The following CYP4F12 variants were observed in gnomAD, a reference collection of about 807,000 sequenced individuals.
The protein encoded by CYP4F12 is cytochrome P450 4F12.
In CYP4F12, 60 loss-of-function variants were observed where a neutral mutation model predicts 56.5. The observed-to-expected ratio is 1.06, with a 90% CI of 0.86 to 1.32. The LOEUF (loss-of-function observed/expected upper bound fraction) is 1.32, where lower values mean the gene tolerates loss of function less well. Among genes scored for constraint, CYP4F12 ranks in the 40% most tolerant of loss-of-function variants. The pLI is 0.00. For missense variants in CYP4F12, 711 were observed against 683.5 expected (o/e 1.04, Z -0.45); for synonymous variants, 263 against 264.9 (o/e 0.99, Z 0.07).
intron 2 of CYP4F12, among the ~76,000 whole-genome samples, chr19:15,675,831 C>A (rs1348503216): frequency 6.6e-6 from 1 of 152,168 alleles, no homozygotes; most frequent in Non-Finnish European, 1.5e-5. Context: ...AGGGTTCTCC[C>A]TAGAAACGGA....
Position 15,682,481 on chromosome 19 carries a change from C to T in CYP4F12, c.618C>T (p.Cys206=), listed in dbSNP as rs1417269649. ...TGACCTTGGACAGTCTACAGAAATG[C>T]ATCTTCAGCTTTGACAGCCATTGTC... is the stretch of plus-strand genomic sequence containing the variant. ...SLMTLDSLQK[C]IFSFDSHCQE... Residue 206 remains cysteine (C), a synonymous_variant, in exon 6 of 13, where the codon TGC becomes TGT. Coordinates refer to ENST00000550308, the MANE Select transcript of CYP4F12 (RefSeq NM_023944.4). 6.2e-7 allele frequency: 1 copy of T among 1,613,700 alleles called. No homozygotes were observed. Among genetic ancestry groups the T allele is most frequent in the African/African-American group, 1.3e-5 (1 of 74,942 alleles).
rs183202345 is a variant in CYP4F12 at position 15,695,811 on chromosome 19, C to T, written c.1116-125C>T. 352 of 1,345,850 alleles carry T rather than the reference C, an allele frequency of 2.6e-4. No homozygotes were observed. In the African/African-American group the frequency reaches 4.2e-3, roughly 16 times the overall value. The allele number at this position is 1,345,850 out of a possible 1,614,324, so 83.4% of individuals were successfully genotyped here. On this transcript the variant is annotated intron_variant, in intron 9 of 12. Transcript: ENST00000550308. ...ATTGTTTTCTGCTTTTTAAAATTCT[C>T]AAATGTTTGATCCCCGTGGAGTTTA...
intron 6 of CYP4F12, among the ~76,000 whole-genome samples, chr19:15,683,220 C>T (rs890970184): frequency 2.0e-5 from 3 of 152,102 alleles, no homozygotes; most frequent in South Asian, 2.1e-4. Flanking sequence ...GTACTGCATA[C>T]TGGATGGGAG....
chr19:15,696,912 T>C lies in CYP4F12; in HGVS notation c.1402T>C (p.Cys468Arg), dbSNP rs1172762272. The change falls in exon 13 of 13, where the codon TGC becomes CGC. Residue 468 changes from cysteine to arginine, a missense_variant. By Grantham distance (180) the Cys-to-Arg change is radical. Transcript: ENST00000550308. ...AGTCCCCACTCCCGCCTGCAGGAAC[T>C]GCATCGGGCAGGCGTTCGCCATGGC... ...FIPFSAGPRN[C>R]IGQAFAMAEM... 13 of 1,611,918 alleles carry C rather than the reference T, an allele frequency of 8.1e-6. No homozygotes were observed. Among genetic ancestry groups the C allele is most frequent in the African/African-American group, 4.0e-5 (3 of 75,034 alleles).
At chr19:15,696,345 T>G in intron 11 of CYP4F12, 85 bp from the exon 12 acceptor site, 1 of 1,609,224 alleles carries the variant, frequency 6.2e-7, no homozygotes, top group Non-Finnish European at 8.5e-7. Context: ...CAACATCACC[T>G]CACCCCAAAA....
chr19:15,685,261 G>A, intron 9 of CYP4F12, 64 bp downstream of exon 9: 5 of 1,574,018 alleles, frequency 3.2e-6, no homozygotes, highest in South Asian at 2.3e-5. Flanking sequence ...CAAGTGAGGA[G>A]GGGTGGAGGA....
At chr19:15,688,513 A>C (rs2144748619) in intron 9 of CYP4F12, among the ~76,000 whole-genome samples, 1 of 152,362 alleles carries the variant, frequency 6.6e-6, no homozygotes, top group South Asian at 2.1e-4. Context: ...AAGAATCAAT[A>C]TTGTGAAAAT....
At chr19:15,683,954 T>C in intron 7 of CYP4F12, 191 bp downstream of exon 7, 1 of 567,182 alleles carries the variant, frequency 1.8e-6, no homozygotes, top group Non-Finnish European at 2.9e-6. Flanking sequence ...ATTCTGAAAC[T>C]GTGAGGAGCA....
At chr19:15,682,255 C>T in intron 5 of CYP4F12, 134 bp from the exon 6 acceptor site, 1 of 1,271,664 alleles carries the variant, frequency 7.9e-7, no homozygotes, top group Non-Finnish European at 1.1e-6. Context: ...CCAGTCTGGT[C>T]CTCGCTGGCA....
chr19:15,674,669 C>CCTCACTCACTCATGCCT (rs2006825935), intron 2 of CYP4F12, among the ~76,000 whole-genome samples: 1 of 107,356 alleles, frequency 9.3e-6, no homozygotes, highest in Non-Finnish European at 2.0e-5. Flanking sequence ...TCATTCCTCT[C>CCTCACTCACTCATGCCT]CTCACTCACT....
chr19:15,692,082 C>T (rs918846265), intron 9 of CYP4F12, among the ~76,000 whole-genome samples: 2 of 152,120 alleles, frequency 1.3e-5, no homozygotes, highest in African/African-American at 4.8e-5. Flanking sequence ...CCTCAGCCTC[C>T]CGAGTAACTG....
At chr19:15,690,155 G>A (rs1253863558) in intron 9 of CYP4F12, among the ~76,000 whole-genome samples, 1 of 152,064 alleles carries the variant, frequency 6.6e-6, no homozygotes, top group Non-Finnish European at 1.5e-5. Flanking sequence ...ATCTTTGGGA[G>A]CTTTTCTTTT....
chr19:15,677,928 C>T (rs1599949539), intron 2 of CYP4F12, among the ~76,000 whole-genome samples: 1 of 85,376 alleles, frequency 1.2e-5, no homozygotes, highest in South Asian at 4.0e-4. Context: ...ACTCATTCCT[C>T]TCCTTACTCA....
intron 3 of CYP4F12, among the ~76,000 whole-genome samples, chr19:15,679,558 G>A (rs936390373): frequency 3.9e-5 from 6 of 152,144 alleles, no homozygotes; most frequent in African/African-American, 1.4e-4. Flanking sequence ...TCATGTGTGT[G>A]GCTCAGCTGT....
chr19:15,693,075 TC>T (rs1173427555), intron 9 of CYP4F12, among the ~76,000 whole-genome samples: 3 of 151,634 alleles, frequency 2.0e-5, no homozygotes, highest in African/African-American at 7.3e-5. Flanking sequence ...CTCCATTCCC[TC>T]CCCCCATCAA....
rs534981670 is a variant in CYP4F12 at position 15,693,921 on chromosome 19, C to T, written c.1116-2015C>T. 7.1e-5 allele frequency among the ~76,000 whole-genome samples: 10 copies of T among 140,566 alleles called. No homozygotes were observed. The South Asian group carries it at 2.2e-3, about 31-fold the overall frequency. 92.2% of individuals were successfully genotyped at this position (140,566 alleles called of 152,430 possible). A position where few individuals can be genotyped will look rare whatever the true frequency, so the allele number is the denominator to read the frequency against. On this transcript the variant is annotated intron_variant, in intron 9 of 12. Transcript: ENST00000550308. ...TTTCTACATATGGCTAGCCAGTTTT[C>T]CCAGCACCATTTATTAAACAGGGAA...
intron 12 of CYP4F12, 112 bp downstream of exon 12, chr19:15,696,624 C>A: frequency 7.5e-7 from 1 of 1,327,690 alleles, no homozygotes; most frequent in Non-Finnish European, 1.1e-6. Context: ...CATTCCTTCA[C>A]AGTTTATGGG....
chr19:15,685,254 G>A (rs1599975448), intron 9 of CYP4F12, 57 bp downstream of exon 9: 9 of 1,584,352 alleles, frequency 5.7e-6, no homozygotes, highest in Admixed American at 3.4e-5. Flanking sequence ...TGCTCCCCAA[G>A]TGAGGAGGGG....
intron 6 of CYP4F12, among the ~76,000 whole-genome samples, chr19:15,683,002 G>A (rs1451575578): frequency 2.0e-5 from 3 of 152,070 alleles, no homozygotes; most frequent in East Asian, 3.9e-4. Context: ...CTCAGAAAAT[G>A]TTGGGATTAC....
Sources: gnomAD v4.1 joint callset for allele counts (sites outside exome capture counted in the v4.1 genomes callset) on GRCh38, gnomAD v4.1.1 for gene constraint, MANE v1.5 for transcripts, NCBI Gene and HGNC (gene_info 2026-07-23, HGNC 2026-07-21) for gene names.